ERI1: variants seen among roughly 807,000 people sequenced by gnomAD.
The protein encoded by ERI1 is 3'-5' exoribonuclease 1.
Under a neutral mutation model 39.7 loss-of-function variants are expected in ERI1, and 39 were observed. The observed-to-expected ratio is 0.98, with a 90% CI of 0.76 to 1.28. The LOEUF (loss-of-function observed/expected upper bound fraction) is 1.28, where lower values mean the gene tolerates loss of function less well. ERI1 is among the 50% of genes most tolerant of loss of function. The probability of loss-of-function intolerance (pLI) is 0.00; values close to 1 mark genes in which losing one functional copy is unlikely to be tolerated. For missense variants in ERI1, 581 were observed against 416.9 expected (o/e 1.39, Z -3.43); for synonymous variants, 204 against 149.6 (o/e 1.36, Z -2.65).
intron 3 of ERI1, among the ~76,000 whole-genome samples, chr8:9,013,918 C>T (rs1816950083): frequency 6.6e-6 from 1 of 152,126 alleles, no homozygotes; most frequent in African/African-American, 2.4e-5. Context: ...TCATTCTGAT[C>T]CTCTATCATT....
chr8:9,008,027 T>A lies in ERI1; in HGVS notation c.166T>A (p.Ser56Thr), dbSNP rs150186258. Residue 56 changes from serine (S) to threonine (T), a missense_variant, in exon 2 of 7, where the codon TCC (serine) becomes ACC (threonine). By Grantham distance (58) the Ser-to-Thr change is moderately conservative. Coordinates refer to ENST00000250263, the MANE Select transcript of ERI1 (RefSeq NM_153332.4). ...GACAAAAGGATCCAAGTTCATTACC[T>A]CCAGTGCGAGTGACTTCAGTGACCC... is the stretch of plus-strand genomic sequence containing the variant. ...QETKGSKFITSSASDFSDPVY... is the reference protein window; with the variant it reads ...QETKGSKFITTSASDFSDPVY... The A allele has an allele frequency of 7.8e-6, 12 of 1,533,518 alleles. No individual in the cohort carries two copies. In the African/African-American group the frequency reaches 1.0e-4, roughly 13 times the overall value. 95.0% of individuals were successfully genotyped at this position (1,533,518 alleles called of 1,614,324 possible). A position where few individuals can be genotyped will look rare whatever the true frequency, so the allele number is the denominator to read the frequency against.
At position 9,004,485 on chromosome 8, in the gene ERI1, CTTTTTTT is replaced by C. The variant is rs71201904; in HGVS notation, c.108+1334_108+1340del. ...CTGTTGCATGCTCTTTATAGTGATA[CTTTTTTT>C]TTTTTTTTTTTTTTTTTTTACAAAA... is the stretch of plus-strand genomic sequence containing the variant. On this transcript the variant is annotated intron_variant, in intron 1 of 6. Transcript: ENST00000250263. Among the ~76,000 whole-genome samples, 390 of 78,314 alleles carry C rather than the reference CTTTTTTT, an allele frequency of 5.0e-3. 9 individuals carry two copies. Among genetic ancestry groups the C allele is most frequent in the African/African-American group, 0.018 (358 of 20,070 alleles). The allele number at this position is 78,314 out of a possible 152,430, so 51.4% of individuals were successfully genotyped here. A position where few individuals can be genotyped will look rare whatever the true frequency, so the allele number is the denominator to read the frequency against.
At chr8:9,071,659 G>T (rs2117427587) in intron 3 of ERI1, among the ~76,000 whole-genome samples, 1 of 152,332 alleles carries the variant, frequency 6.6e-6, no homozygotes, top group East Asian at 1.9e-4. Flanking sequence ...CTCCCCTGTG[G>T]CTCACTCTAT....
At chr8:9,081,692 T>TTTTG (rs1340386626) in intron 3 of ERI1, among the ~76,000 whole-genome samples, 4 of 126,356 alleles carry the variant, frequency 3.2e-5, no homozygotes, top group Admixed American at 7.7e-5. Context: ...TTGTTTTTGT[T>TTTTG]TTTTTTTGGT....
intron 3 of ERI1, among the ~76,000 whole-genome samples, chr8:9,064,150 A>G (rs180891014): frequency 1.9e-4 from 29 of 151,606 alleles, no homozygotes; most frequent in African/African-American, 7.0e-4. Context: ...GGGCACAGAG[A>G]TAAGAGATCG....
In ERI1 at chr8:9,016,271, G is replaced by A. The variant is rs192267628; in HGVS notation, c.499-51G>A. On this transcript the variant is annotated intron_variant, in intron 3 of 6. Transcript: ENST00000250263. Reference sequence around the variant, plus strand: ...ATGAATTCGTCGTGTATCATGTATCGTGTATCTTAACTCATATAAATTACT... The same window carrying A: ...ATGAATTCGTCGTGTATCATGTATCATGTATCTTAACTCATATAAATTACT... The A allele has an allele frequency of 3.2e-4, 372 of 1,149,146 alleles. 2 individuals are homozygous for A. The East Asian group carries it at 8.5e-3, about 26-fold the overall frequency. The allele number at this position is 1,149,146 out of a possible 1,614,324, so 71.2% of individuals were successfully genotyped here. A position where few individuals can be genotyped will look rare whatever the true frequency, so the allele number is the denominator to read the frequency against.
At chr8:9,047,769 C>T (rs942863706) in intron 3 of ERI1, among the ~76,000 whole-genome samples, 11 of 152,144 alleles carry the variant, frequency 7.2e-5, no homozygotes, top group Admixed American at 7.2e-4. Context: ...AGAGCAGTTC[C>T]ACCTATACCT....
Position 9,029,877 on chromosome 8 carries a change from A to C in ERI1, c.893A>C (p.Asp298Ala). The C allele has an allele frequency of 1.2e-6, 2 of 1,614,130 alleles. No individual in the cohort carries two copies. The highest frequency in any genetic ancestry group is 1.7e-6 in the Non-Finnish European group (2 of 1,180,022). ...GGGCGGCCTCACTGTGGTCTTGATG[A>C]CTCTAAGAATATCGCCCGAATAGCA... ...YDGRPHCGLD[D>A]SKNIARIAVR... The change falls in exon 7 of 7, where the codon GAC becomes GCC. Residue 298 changes from aspartate to alanine, a missense_variant. Asp to Ala is a moderately radical substitution (Grantham distance 126). Coordinates refer to ENST00000250263, the MANE Select transcript of ERI1 (RefSeq NM_153332.4).
intron 3 of ERI1, among the ~76,000 whole-genome samples, chr8:9,046,312 C>G (rs1798173421): frequency 6.6e-6 from 1 of 152,170 alleles, no homozygotes; most frequent in African/African-American, 2.4e-5. Flanking sequence ...CTCCTTGCAG[C>G]CTGGCAGTAA....
Position 9,029,802 on chromosome 8 carries a change from G to A in ERI1, c.818G>A (p.Ser273Asn), listed in dbSNP as rs1480249575. Residue 273 changes from serine (S) to asparagine (N), a missense_variant, in exon 7 of 7, where the codon AGC becomes AAC. Ser to Asn is a conservative substitution (Grantham distance 46). Transcript: ENST00000250263. ...CTGTTTATTTTTCAGGTTCCTAGAA[G>A]CCAAACCAAACTGACAATAATGCTT... The part of the protein sequence containing the change: ...SYGNFYKVPR[S>N]QTKLTIMLEK... 6.2e-7 allele frequency: 1 copy of A among 1,614,116 alleles called. No homozygotes were observed. The highest frequency in any genetic ancestry group is 1.1e-5 in the South Asian group (1 of 91,084).
chr8:9,075,488 C>CTTTTT (rs564946590), intron 3 of ERI1, among the ~76,000 whole-genome samples: 151 of 142,434 alleles, frequency 1.1e-3, no homozygotes, highest in Non-Finnish European at 1.8e-3. Flanking sequence ...CTGAACATGC[C>CTTTTT]TTTTTTTTTT....
At chr8:9,024,185 AC>A (rs1011245306) in intron 6 of ERI1, among the ~76,000 whole-genome samples, 3 of 152,110 alleles carry the variant, frequency 2.0e-5, no homozygotes, top group African/African-American at 7.2e-5. Context: ...AAGGCAAATA[AC>A]TGTAATACAT....
chr8:9,019,513 C>T (rs1019925219), intron 5 of ERI1, among the ~76,000 whole-genome samples: 1 of 152,138 alleles, frequency 6.6e-6, no homozygotes, highest in African/African-American at 2.4e-5. Flanking sequence ...TTTTGTGGGA[C>T]AGATCACTCA....
At chr8:9,023,990 C>T (rs935643270) in intron 6 of ERI1, among the ~76,000 whole-genome samples, 10 of 151,606 alleles carry the variant, frequency 6.6e-5, no homozygotes, top group East Asian at 1.9e-4. Flanking sequence ...TTAGTAGAGA[C>T]GGGGTTTCAC....
chr8:9,015,080 AC>A (rs564288326), intron 3 of ERI1, among the ~76,000 whole-genome samples: 3 of 150,758 alleles, frequency 2.0e-5, no homozygotes, highest in Non-Finnish European at 4.4e-5. Context: ...CAAGTAATCC[AC>A]CCCCCTTGGC....
Position 9,032,498 on chromosome 8 carries a change from T to C in ERI1, c.*2464T>C, listed in dbSNP as rs571285318. 2.0e-5 allele frequency: 3 copies of C among 152,346 alleles called. No individual in the cohort carries two copies. Among genetic ancestry groups the C allele is most frequent in the African/African-American group, 7.2e-5 (3 of 41,586 alleles). The allele number at this position is 152,346 out of a possible 1,614,324, so 9.4% of individuals were successfully genotyped here. A position where few individuals can be genotyped will look rare whatever the true frequency, so the allele number is the denominator to read the frequency against. ...ACATTTGCTCTGAAAAAAATGTTTT[T>C]GTGATGTGTCTTTGTTGCCTTGAGA... On this transcript the variant is annotated 3_prime_UTR_variant, in exon 7 of 7. Transcript: ENST00000250263.
At chr8:9,057,581 T>G (rs1386073743) in intron 3 of ERI1, among the ~76,000 whole-genome samples, 2 of 152,190 alleles carry the variant, frequency 1.3e-5, no homozygotes, top group African/African-American at 2.4e-5. Context: ...TTATGGGCCC[T>G]TTATGAGCCA....
rs1003724797 is a variant in ERI1, at chr8:9,030,580, C to G, written c.*546C>G. Reference sequence around the variant, plus strand: ...TTGGTATACATATCTGCCTATGTTTCTTTTCAACTCATAATTGGAAGAATT... The same window carrying G: ...TTGGTATACATATCTGCCTATGTTTGTTTTCAACTCATAATTGGAAGAATT... On this transcript the variant is annotated 3_prime_UTR_variant, in exon 7 of 7. Transcript: ENST00000250263. 2 of 153,282 alleles carry G rather than the reference C, an allele frequency of 1.3e-5. No individual in the cohort carries two copies. The highest frequency in any genetic ancestry group is 4.8e-5 in the African/African-American group (2 of 41,402). The allele number at this position is 153,282 out of a possible 1,614,324, so 9.5% of individuals were successfully genotyped here.
rs1797698840 is a variant in ERI1 at position 9,033,028 on chromosome 8, C to G, written c.*2994C>G. 1 of 152,120 alleles carries G rather than the reference C, an allele frequency of 6.6e-6. No individual in the cohort carries two copies. The highest frequency in any genetic ancestry group is 1.5e-5 in the Non-Finnish European group (1 of 68,032). The allele number at this position is 152,120 out of a possible 1,614,324, so 9.4% of individuals were successfully genotyped here. On this transcript the variant is annotated 3_prime_UTR_variant, in exon 7 of 7. Coordinates refer to ENST00000250263, the MANE Select transcript of ERI1 (RefSeq NM_153332.4). ...AAAATGTTTTGCACATAGTTGAATC[C>G]AGCGTTGATACATGAAGGACAGCAT...
Sources: allele counts gnomAD v4.1 joint callset (sites outside exome capture counted in the v4.1 genomes callset), GRCh38; gene constraint gnomAD v4.1.1; transcripts MANE v1.5; gene names NCBI Gene and HGNC (gene_info 2026-07-23, HGNC 2026-07-21).